The following TRPV2 variants were observed in gnomAD, a reference collection of about 807,000 sequenced individuals.
The protein encoded by TRPV2 is transient receptor potential cation channel subfamily V member 2.
TRPV2 carries 58 observed loss-of-function variants against 91.0 expected under a neutral mutation model. The ratio of observed to expected loss-of-function variants is 0.64; its 90% CI spans 0.52 to 0.79. TRPV2 has a LOEUF of 0.79. TRPV2 is among the 30% of genes least tolerant of loss of function. The probability of loss-of-function intolerance (pLI) is 0.00; values close to 1 mark genes in which losing one functional copy is unlikely to be tolerated. For missense variants in TRPV2, 807 were observed against 969.6 expected (o/e 0.83, Z 2.23); for synonymous variants, 417 against 414.8 (o/e 1.01, Z -0.06).
rs187139313 is a variant in TRPV2 at position 16,420,686 on chromosome 17, G to T, written c.334+438G>T. Among the ~76,000 whole-genome samples the T allele has an allele frequency of 5.3e-5, 8 of 152,316 alleles. No homozygotes were observed. In the East Asian group the frequency reaches 1.5e-3, roughly 29 times the overall value. ...ATGAGTACTCTAGAAGATTCAAACA[G>T]TAAGGAAACATATAGAGCCAAGGGT... On this transcript the variant is annotated intron_variant, in intron 3 of 14. Transcript: ENST00000338560.
At chr17:16,436,673 C>T (rs1206435994) in intron 14 of TRPV2, 116 bp from the exon 15 acceptor site, 2 of 734,668 alleles carry the variant, frequency 2.7e-6, no homozygotes, top group Non-Finnish European at 4.9e-6. Context: ...TCCAGGATCG[C>T]TGAGGCTGTC....
rs530487897 is a variant in TRPV2, at chr17:16,435,489, C to G, written c.2194+520C>G. Among the ~76,000 whole-genome samples the G allele has an allele frequency of 6.6e-6, 1 of 152,134 alleles. No individual in the cohort carries two copies. Among genetic ancestry groups the G allele is most frequent in the Admixed American group, 6.5e-5 (1 of 15,278 alleles). ...CCACTTCCCATGCTTCCTCCATGTC[C>G]GTGGCCTGTGTCCTCTCCGTTCCAG... On this transcript the variant is annotated intron_variant, in intron 14 of 14. Transcript: ENST00000338560. This position sits in a 1 kb window ranked among gnomAD's most constrained non-coding sequence, Gnocchi z 4.2.
At chr17:16,429,990 G>A (rs1192581880) in intron 10 of TRPV2, among the ~76,000 whole-genome samples, 6 of 151,598 alleles carry the variant, frequency 4.0e-5, no homozygotes, top group Non-Finnish European at 7.4e-5. Flanking sequence ...TCAGCCTCCC[G>A]TATGGCTGGG....
intron 13 of TRPV2, among the ~76,000 whole-genome samples, chr17:16,434,239 C>T (rs890588232): frequency 6.6e-6 from 1 of 152,062 alleles, no homozygotes; most frequent in Admixed American, 6.6e-5. Context: ...GAGGCCGAGG[C>T]GGGCAAATCA....
In TRPV2 at chr17:16,426,607, C is replaced by A; in HGVS notation, c.1096-115C>A. On this transcript the variant is annotated intron_variant, in intron 6 of 14. Coordinates refer to ENST00000338560, the MANE Select transcript of TRPV2 (RefSeq NM_016113.5). The surrounding 1 kb of genome is among the most constrained non-coding windows in gnomAD (Gnocchi z 6.0). ...CTTTGGGGCTCCTGGGGTGTGGAAG[C>A]CTGCTCCCTGTCCTCTCTCCTCATT... is the stretch of plus-strand genomic sequence containing the variant. 1.6e-6 allele frequency: 2 copies of A among 1,289,948 alleles called. No homozygotes were observed. The highest frequency in any genetic ancestry group is 2.9e-5 in the South Asian group (2 of 68,024). 79.9% of individuals were successfully genotyped at this position (1,289,948 alleles called of 1,614,324 possible). A position where few individuals can be genotyped will look rare whatever the true frequency, so the allele number is the denominator to read the frequency against.
intron 2 of TRPV2, chr17:16,419,369 G>A (rs763673291): frequency 4.3e-5 from 20 of 470,588 alleles, no homozygotes; most frequent in South Asian, 3.1e-4. Context: ...TCTTGGTGGT[G>A]TCTGATATGT....
intron 13 of TRPV2, 39 bp from the exon 14 acceptor site, chr17:16,434,851 C>T: frequency 2.5e-6 from 4 of 1,599,846 alleles, no homozygotes; most frequent in Non-Finnish European, 2.6e-6. Flanking sequence ...GGGAGGCGGT[C>T]AAAGCAGGCA....
intron 5 of TRPV2, 103 bp from the exon 6 acceptor site, chr17:16,425,996 G>T (rs956130159): frequency 2.2e-6 from 3 of 1,334,148 alleles, no homozygotes; most frequent in African/African-American, 1.4e-5. Flanking sequence ...CTGCAGCTCT[G>T]CAGACCGTGG....
chr17:16,427,471 C>A lies in TRPV2; in HGVS notation c.1274C>A (p.Ala425Glu). Residue 425 changes from alanine to glutamate, a missense_variant, in exon 8 of 15, where the codon GCG becomes GAG. Coordinates refer to ENST00000338560, the MANE Select transcript of TRPV2 (RefSeq NM_016113.5). ...CAGCAGGCCGCCCCTCACCTGAAAG[C>A]GGAGGTTGGAAACTCCATGCTGCTG... Reference protein sequence around the residue: ...LKKQAAPHLKAEVGNSMLLTG... With the variant: ...LKKQAAPHLKEEVGNSMLLTG... 6.2e-7 allele frequency: 1 copy of A among 1,613,832 alleles called. No homozygotes were observed.
intron 12 of TRPV2, chr17:16,433,244 G>A: frequency 3.8e-6 from 1 of 260,100 alleles, no homozygotes; most frequent in Non-Finnish European, 7.5e-6. Context: ...AGCAAATGAA[G>A]TTCTGTTCCT....
At position 16,426,763 on chromosome 17, in the gene TRPV2, G is replaced by A; in HGVS notation, c.1137G>A (p.Leu379=). ...TCGTTTTGGAGCCCCTGAACAAACT[G>A]CTGCAGGCGAAATGGGATCTGCTCA... ...RMVVLEPLNK[L]LQAKWDLLIP... Residue 379 remains leucine (L), a synonymous_variant, in exon 7 of 15, where the codon CTG becomes CTA. Coordinates refer to ENST00000338560, the MANE Select transcript of TRPV2 (RefSeq NM_016113.5). This position sits in a 1 kb window ranked among gnomAD's most constrained non-coding sequence, Gnocchi z 6.0. 6.2e-7 allele frequency: 1 copy of A among 1,614,058 alleles called. No homozygotes were observed. Among genetic ancestry groups the A allele is most frequent in the Non-Finnish European group, 8.5e-7 (1 of 1,180,008 alleles).
intron 5 of TRPV2, among the ~76,000 whole-genome samples, chr17:16,425,269 C>T (rs1317360658): frequency 6.6e-6 from 1 of 152,068 alleles, no homozygotes; most frequent in African/African-American, 2.4e-5. Context: ...GGTGATCCAC[C>T]TGCCTCAGCC....
rs758498963 is a variant in TRPV2, at chr17:16,422,595, A to G, written c.335-4A>G. 34 of 1,611,054 alleles carry G rather than the reference A, an allele frequency of 2.1e-5. No homozygotes were observed. Among genetic ancestry groups the G allele is most frequent in the Admixed American group, 6.7e-5 (4 of 59,924 alleles). On this transcript the variant is annotated splice_region_variant and splice_polypyrimidine_tract_variant and intron_variant, in intron 3 of 14. Transcript: ENST00000338560. ...GTGCCCCTTCCCCTCCCTTCTTCCC[A>G]CAGAGGGCTCCACAGGTAAGACGTG...
chr17:16,420,020 T>A (rs1477520335), intron 2 of TRPV2, 95 bp from the exon 3 acceptor site: 1 of 1,538,124 alleles, frequency 6.5e-7, no homozygotes, highest in African/African-American at 1.4e-5. Flanking sequence ...GTGCAGTGTG[T>A]ACAGGACTCC....
intron 5 of TRPV2, among the ~76,000 whole-genome samples, chr17:16,424,896 A>G (rs991627393): frequency 9.4e-5 from 14 of 148,644 alleles, no homozygotes; most frequent in African/African-American, 3.2e-4. Flanking sequence ...GATTTTATAT[A>G]TATAATACAT....
At chr17:16,434,366 G>A (rs183583782) in intron 13 of TRPV2, among the ~76,000 whole-genome samples, 36 of 151,778 alleles carry the variant, frequency 2.4e-4, no homozygotes, top group Admixed American at 3.9e-4. Context: ...TACTCAGGAG[G>A]CCGACGCAGG....
chr17:16,417,661 C>G lies in TRPV2; in HGVS notation c.-8C>G. Reference sequence around the variant, plus strand: ...CCTGGCTGGACCGAGCAGCCTCCTCCTCCTAGGATGACCTCACCCTCCAGC... The same window carrying G: ...CCTGGCTGGACCGAGCAGCCTCCTCGTCCTAGGATGACCTCACCCTCCAGC... On this transcript the variant is annotated 5_prime_UTR_variant, in exon 2 of 15. Transcript: ENST00000338560. 6.2e-7 allele frequency: 1 copy of G among 1,613,426 alleles called. No homozygotes were observed. The highest frequency in any genetic ancestry group is 8.5e-7 in the Non-Finnish European group (1 of 1,179,642).
At chr17:16,418,953 T>G (rs1025584299) in intron 2 of TRPV2, among the ~76,000 whole-genome samples, 1 of 151,282 alleles carries the variant, frequency 6.6e-6, no homozygotes, top group African/African-American at 2.4e-5. Context: ...CCCACCTGAT[T>G]CAAGGAGGCA....
chr17:16,422,642 C>T lies in TRPV2; in HGVS notation c.378C>T (p.Asn126=). The T allele has an allele frequency of 6.2e-7, 1 of 1,614,176 alleles. No homozygotes were observed. Among genetic ancestry groups the T allele is most frequent in the Non-Finnish European group, 8.5e-7 (1 of 1,180,026 alleles). The change falls in exon 4 of 15, where the codon AAC becomes AAT. Residue 126 remains asparagine, a synonymous_variant. Coordinates refer to ENST00000338560, the MANE Select transcript of TRPV2 (RefSeq NM_016113.5). ...CGTGCCTGATGAAGGCTGTGCTGAACCTTAAGGACGGAGTCAATGCCTGCA... is the reference window on the plus strand; with the variant it reads ...CGTGCCTGATGAAGGCTGTGCTGAATCTTAAGGACGGAGTCAATGCCTGCA... ...GKTCLMKAVL[N]LKDGVNACIL...
Sources: gnomAD v4.1 joint callset for allele counts (sites outside exome capture counted in the v4.1 genomes callset) on GRCh38, gnomAD v4.1.1 for gene constraint, Gnocchi (gnomAD v3.1) non-coding constraint, MANE v1.5 for transcripts, NCBI Gene and HGNC (gene_info 2026-07-23, HGNC 2026-07-21) for gene names.